Variants in AEBP2 observed in about 807,000 individuals in gnomAD.
AEBP2 encodes the protein AE binding protein 2.
A neutral mutation model predicts 50.8 loss-of-function variants in AEBP2; 10 were observed. The ratio of observed to expected loss-of-function variants is 0.20; its 90% CI spans 0.12 to 0.33. The LOEUF is 0.33. Ranked by LOEUF, AEBP2 falls within the 10% of genes least tolerant of loss-of-function variation. The pLI is 1.00. For missense variants in AEBP2, 570 were observed against 688.0 expected (o/e 0.83, Z 1.92); for synonymous variants, 296 against 261.3 (o/e 1.13, Z -1.28).
At chr12:19,477,001 T>C (rs2153373085) in intron 3 of AEBP2, among the ~76,000 whole-genome samples, 1 of 152,342 alleles carries the variant, frequency 6.6e-6, no homozygotes, top group South Asian at 2.1e-4. Flanking sequence ...AGCAGTGTTT[T>C]GTAGTTTTCC....
intron 1 of AEBP2, chr12:19,440,806 C>T: frequency 6.6e-7 from 1 of 1,512,016 alleles, no homozygotes; most frequent in South Asian, 1.2e-5. Context: ...CTGGTCTCGC[C>T]TGGATTTAAC....
chr12:19,439,654 G>T lies in AEBP2; in HGVS notation c.-46G>T. ...GCGAGGGAGAGAGAGTCGAGAGAGG[G>T]AGGCGGCGGTGGGGAGGAGGAGGAG... On this transcript the variant is annotated 5_prime_UTR_variant, in exon 1 of 8. Transcript: ENST00000266508. The T allele has an allele frequency of 6.7e-7, 1 of 1,486,844 alleles. No individual in the cohort carries two copies. The highest frequency in any genetic ancestry group is 1.2e-5 in the South Asian group (1 of 81,052). The allele number at this position is 1,486,844 out of a possible 1,614,324, so 92.1% of individuals were successfully genotyped here. A position where few individuals can be genotyped will look rare whatever the true frequency, so the allele number is the denominator to read the frequency against.
chr12:19,426,187 A>G (rs944686570), intron 1 of AEBP2, among the ~76,000 whole-genome samples: 3 of 152,154 alleles, frequency 2.0e-5, no homozygotes, highest in African/African-American at 7.2e-5. Context: ...CACCCACTTC[A>G]GCCTCCCAAA....
intron 2 of AEBP2, among the ~76,000 whole-genome samples, chr12:19,470,985 A>G (rs979851571): frequency 2.0e-5 from 3 of 150,020 alleles, no homozygotes; most frequent in Non-Finnish European, 4.5e-5. Flanking sequence ...TTTTTTTTCA[A>G]TTAATGGCAA....
At chr12:19,483,346 A>G (rs1315105325) in intron 3 of AEBP2, among the ~76,000 whole-genome samples, 3 of 152,124 alleles carry the variant, frequency 2.0e-5, no homozygotes, top group Non-Finnish European at 1.5e-5. Context: ...CTCGTCTCCC[A>G]TGATCTGGAT....
At chr12:19,462,155 A>T (rs1273489545) in intron 1 of AEBP2, among the ~76,000 whole-genome samples, 6 of 152,190 alleles carry the variant, frequency 3.9e-5, no homozygotes, top group African/African-American at 1.4e-4. Flanking sequence ...GGAAACTCTT[A>T]CTTTCTTATG....
chr12:19,501,127 C>T (rs200333513), intron 5 of AEBP2, among the ~76,000 whole-genome samples: 5 of 152,132 alleles, frequency 3.3e-5, no homozygotes, highest in East Asian at 1.9e-4. Context: ...GCCAGGAGTT[C>T]GAGACCAGCC....
chr12:19,488,365 C>T (rs965765441), intron 3 of AEBP2, among the ~76,000 whole-genome samples: 2 of 145,170 alleles, frequency 1.4e-5, no homozygotes, highest in African/African-American at 2.6e-5. Context: ...TGGGCTTAAT[C>T]GATCCGCTCA....
In AEBP2 at chr12:19,520,729, A is replaced by G. The variant is rs2120661700; in HGVS notation, c.*2612A>G. On this transcript the variant is annotated 3_prime_UTR_variant, in exon 8 of 8. Transcript: ENST00000266508. ...TATGCCTGCTTTCTCCTGCAGTGGC[A>G]GAATTGAGTGGTGAGACCTTAGGTC... 1 of 152,302 alleles carries G rather than the reference A, an allele frequency of 6.6e-6. No individual in the cohort carries two copies. Among genetic ancestry groups the G allele is most frequent in the South Asian group, 2.1e-4 (1 of 4,824 alleles). 9.4% of individuals were successfully genotyped at this position (152,302 alleles called of 1,614,324 possible). A position where few individuals can be genotyped will look rare whatever the true frequency, so the allele number is the denominator to read the frequency against.
chr12:19,463,484 T>C (rs1274922102), intron 2 of AEBP2, among the ~76,000 whole-genome samples: 9 of 152,148 alleles, frequency 5.9e-5, no homozygotes, highest in Admixed American at 5.9e-4. Flanking sequence ...ACACATTTCC[T>C]ATCAGCCTGG....
At chr12:19,496,592 A>C (rs1374850189) in intron 4 of AEBP2, among the ~76,000 whole-genome samples, 1 of 152,142 alleles carries the variant, frequency 6.6e-6, no homozygotes, top group Non-Finnish European at 1.5e-5. Flanking sequence ...AACTGTGAAA[A>C]ATATACCTTA....
At chr12:19,444,737 G>A (rs1031541441) in intron 1 of AEBP2, among the ~76,000 whole-genome samples, 9 of 152,224 alleles carry the variant, frequency 5.9e-5, no homozygotes, top group Non-Finnish European at 1.0e-4. Context: ...GCTTGAATGC[G>A]TGCATCTTTT....
intron 1 of AEBP2, chr12:19,456,181 A>G: frequency 8.7e-7 from 1 of 1,152,998 alleles, no homozygotes; most frequent in South Asian, 1.4e-5. Flanking sequence ...ATTGAAACAA[A>G]CAGTTCTGAG....
chr12:19,513,637 C>T (rs940543776), intron 6 of AEBP2, among the ~76,000 whole-genome samples: 1 of 152,024 alleles, frequency 6.6e-6, no homozygotes, highest in Admixed American at 6.6e-5. Context: ...GATGGTGTCG[C>T]CTGTAGTCCC....
chr12:19,502,294 C>A (rs185948059), intron 5 of AEBP2, among the ~76,000 whole-genome samples: 1 of 152,056 alleles, frequency 6.6e-6, no homozygotes, highest in Admixed American at 6.5e-5. Flanking sequence ...CCACCAAGCC[C>A]AGCTAATTTT....
At chr12:19,514,038 C>T (rs1231583767) in intron 6 of AEBP2, among the ~76,000 whole-genome samples, 3 of 150,022 alleles carry the variant, frequency 2.0e-5, no homozygotes, top group African/African-American at 4.9e-5. Context: ...CTCACTTTGA[C>T]GCCCATGCTG....
intron 1 of AEBP2, chr12:19,456,535 G>C (rs1261956485): frequency 1.3e-6 from 2 of 1,528,512 alleles, no homozygotes; most frequent in Admixed American, 3.4e-5. Context: ...CATGCAGTGT[G>C]AGCCGTGTGG....
intron 1 of AEBP2, among the ~76,000 whole-genome samples, chr12:19,462,202 C>CTG (rs1210874424): frequency 6.6e-6 from 1 of 152,028 alleles, no homozygotes; most frequent in African/African-American, 2.4e-5. Flanking sequence ...ATGTGATAAG[C>CTG]TGTGTGTGTG....
chr12:19,452,049 C>T (rs1948173991), intron 1 of AEBP2, among the ~76,000 whole-genome samples: 1 of 152,172 alleles, frequency 6.6e-6, no homozygotes. Context: ...CGCCCCCACA[C>T]CCAGCTAATT....
Sources: allele counts gnomAD v4.1 joint callset (sites outside exome capture counted in the v4.1 genomes callset), GRCh38; gene constraint gnomAD v4.1.1; transcripts MANE v1.5; gene names NCBI Gene and HGNC (gene_info 2026-07-23, HGNC 2026-07-21).